IRAK3: variants seen among roughly 807,000 people sequenced by gnomAD.
IRAK3 encodes interleukin-1 receptor-associated kinase 3.
In IRAK3, 57 loss-of-function variants were observed where a neutral mutation model predicts 56.6. That is an observed-to-expected ratio of 1.01 (90% CI 0.81 to 1.26). The LOEUF (loss-of-function observed/expected upper bound fraction) is 1.26, where lower values mean the gene tolerates loss of function less well. Among genes scored for constraint, IRAK3 ranks in the 50% most tolerant of loss-of-function variants. The probability of loss-of-function intolerance (pLI) is 0.00; values close to 1 mark genes in which losing one functional copy is unlikely to be tolerated. For missense variants in IRAK3, 703 were observed against 719.0 expected, an observed-to-expected ratio of 0.98 and a Z score of 0.25; for synonymous variants, 258 against 255.7, an observed-to-expected ratio of 1.01 and a Z score of -0.09.
At chr12:66,190,260 G>C (rs2052386547) in intron 1 of IRAK3, among the ~76,000 whole-genome samples, 1 of 152,208 alleles carries the variant, frequency 6.6e-6, no homozygotes, top group Non-Finnish European at 1.5e-5. Context: ...GAAGGCCTAA[G>C]AGGAGAGTTT....
At chr12:66,218,473 T>C (rs2052699219) in intron 6 of IRAK3, among the ~76,000 whole-genome samples, 1 of 152,330 alleles carries the variant, frequency 6.6e-6, no homozygotes, top group East Asian at 1.9e-4. Context: ...CATTTTATCA[T>C]AACAAATTGT....
At chr12:66,226,943 G>A in intron 7 of IRAK3, 106 bp downstream of exon 7, 1 of 746,340 alleles carries the variant, frequency 1.3e-6, no homozygotes, top group Non-Finnish European at 2.4e-6. Context: ...TTTGCATGAG[G>A]GGAAAGCCAA....
intron 2 of IRAK3, among the ~76,000 whole-genome samples, chr12:66,206,960 A>G (rs1418638093): frequency 6.6e-6 from 1 of 152,110 alleles, no homozygotes; most frequent in East Asian, 1.9e-4. Context: ...AAACCTGTCC[A>G]TGTCATCTAA....
At chr12:66,194,730 G>A (rs1256764650) in intron 1 of IRAK3, among the ~76,000 whole-genome samples, 1 of 151,566 alleles carries the variant, frequency 6.6e-6, no homozygotes, top group Non-Finnish European at 1.5e-5. Flanking sequence ...TTGGGAGGCT[G>A]AGGCAGGAGA....
Position 66,226,705 on chromosome 12 carries a change from A to C in IRAK3, c.654-18A>C, listed in dbSNP as rs369056735. ...TGAATAAGCAATTTGATGGCTTTAAAACATCTTTTGTTTCAAGGTTTCATC... is the reference window on the plus strand; with the variant it reads ...TGAATAAGCAATTTGATGGCTTTAACACATCTTTTGTTTCAAGGTTTCATC... On this transcript the variant is annotated intron_variant, in intron 6 of 11. Coordinates refer to ENST00000261233, the MANE Select transcript of IRAK3 (RefSeq NM_007199.3). The C allele has an allele frequency of 3.3e-5, 47 of 1,437,252 alleles. No individual in the cohort carries two copies. The highest frequency in any genetic ancestry group is 4.5e-5 in the Non-Finnish European group (46 of 1,018,826). The allele number at this position is 1,437,252 out of a possible 1,614,324, so 89.0% of individuals were successfully genotyped here.
Position 66,189,283 on chromosome 12 carries a change from GC to G in IRAK3, c.-16del, listed in dbSNP as rs1478638183. On this transcript the variant is annotated 5_prime_UTR_variant, in exon 1 of 12. Transcript: ENST00000261233. ...ACCTGGACTCCGCCTCGTCCCCGGGGCTCGGGCAGCCGAGCCATGGCGGGGA... is the reference window on the plus strand; with the variant it reads ...ACCTGGACTCCGCCTCGTCCCCGGGGTCGGGCAGCCGAGCCATGGCGGGGA... The G allele has an allele frequency of 6.5e-7, 1 of 1,535,030 alleles. No homozygotes were observed. Among genetic ancestry groups the G allele is most frequent in the Non-Finnish European group, 8.7e-7 (1 of 1,147,036 alleles).
intron 6 of IRAK3, among the ~76,000 whole-genome samples, chr12:66,222,788 A>T (rs547322087): frequency 2.0e-5 from 3 of 152,042 alleles, no homozygotes; most frequent in Admixed American, 1.3e-4. Flanking sequence ...CTGTCATTTC[A>T]TCTTTGCTTA....
chr12:66,240,458 A>G (rs1303704954), intron 8 of IRAK3, among the ~76,000 whole-genome samples: 2 of 152,204 alleles, frequency 1.3e-5, no homozygotes, highest in African/African-American at 4.8e-5. Context: ...AAAGGGTTTC[A>G]GATTTGTAGC....
chr12:66,202,255 C>G (rs2052515255), intron 1 of IRAK3, among the ~76,000 whole-genome samples: 1 of 152,068 alleles, frequency 6.6e-6, no homozygotes, highest in Admixed American at 6.5e-5. Context: ...CCTACATTTC[C>G]TTGCTCTGTG....
Position 66,203,910 on chromosome 12 carries a change from A to G in IRAK3, c.316+17A>G, listed in dbSNP as rs1227473472. 6.2e-7 allele frequency: 1 copy of G among 1,602,476 alleles called. No individual in the cohort carries two copies. The highest frequency in any genetic ancestry group is 2.2e-5 in the East Asian group (1 of 44,832). On this transcript the variant is annotated intron_variant, in intron 2 of 11. Coordinates refer to ENST00000261233, the MANE Select transcript of IRAK3 (RefSeq NM_007199.3). ...CAAACTATGGTAAATGCTGATTCTT[A>G]TAATGTGGCTCTTAATCTGTAATAG...
intron 6 of IRAK3, among the ~76,000 whole-genome samples, chr12:66,220,561 C>T (rs548093373): frequency 1.7e-5 from 2 of 114,486 alleles, no homozygotes; most frequent in East Asian, 4.8e-4. Context: ...CGCTCTGTCG[C>T]CCAGGCTGGA....
At chr12:66,204,782 A>ATG (rs2052542996) in intron 2 of IRAK3, among the ~76,000 whole-genome samples, 7 of 55,710 alleles carry the variant, frequency 1.3e-4, no homozygotes, top group African/African-American at 2.1e-4. Context: ...CCTTGCGCAC[A>ATG]CACACACACA....
intron 1 of IRAK3, chr12:66,197,801 A>T: frequency 6.1e-6 from 6 of 985,328 alleles, no homozygotes; most frequent in Non-Finnish European, 7.2e-6. Context: ...GCTGAATCTC[A>T]GAAATGTGCT....
intron 8 of IRAK3, among the ~76,000 whole-genome samples, chr12:66,236,892 C>A (rs1016720032): frequency 2.0e-5 from 3 of 152,120 alleles, no homozygotes; most frequent in Admixed American, 2.0e-4. Context: ...GCCACCTGCC[C>A]ACTCTGGAGC....
At chr12:66,211,721 AT>A in intron 5 of IRAK3, 124 bp downstream of exon 5, 1 of 805,176 alleles carries the variant, frequency 1.2e-6, no homozygotes, top group South Asian at 1.5e-5. Flanking sequence ...ATAAGTGGAA[AT>A]AAGAGATATG....
chr12:66,202,929 T>C (rs1168762), intron 1 of IRAK3, among the ~76,000 whole-genome samples: 1 of 151,766 alleles, frequency 6.6e-6, no homozygotes, highest in Admixed American at 6.6e-5. Context: ...TTAACCTGTA[T>C]GGTAAAATAA....
chr12:66,205,816 T>C (rs1292411682), intron 2 of IRAK3, among the ~76,000 whole-genome samples: 1 of 152,212 alleles, frequency 6.6e-6, no homozygotes, highest in East Asian at 1.9e-4. Context: ...TTCCTAGTCA[T>C]ATTGAAATGG....
intron 6 of IRAK3, among the ~76,000 whole-genome samples, chr12:66,217,631 C>A (rs992047923): frequency 6.6e-6 from 1 of 152,068 alleles, no homozygotes; most frequent in Non-Finnish European, 1.5e-5. Context: ...AGAAATCAAG[C>A]GCTTTTGATG....
intron 1 of IRAK3, among the ~76,000 whole-genome samples, chr12:66,195,455 T>A (rs2052441998): frequency 6.6e-6 from 1 of 152,190 alleles, no homozygotes; most frequent in South Asian, 2.1e-4. Flanking sequence ...CTCTGGCGGC[T>A]TCCCAGGCCA....
Sources: allele counts gnomAD v4.1 joint callset (sites outside exome capture counted in the v4.1 genomes callset), GRCh38; gene constraint gnomAD v4.1.1; transcripts MANE v1.5; gene names NCBI Gene and HGNC (gene_info 2026-07-23, HGNC 2026-07-21).